Variants in FOXP1 observed in about 807,000 individuals in gnomAD.
The protein encoded by FOXP1 is forkhead box P1.
In FOXP1, 15 loss-of-function variants were observed where a neutral mutation model predicts 98.2. The ratio of observed to expected loss-of-function variants is 0.15; its 90% CI spans 0.10 to 0.24. The LOEUF is 0.24. Among genes scored for constraint, FOXP1 ranks in the 10% least tolerant of loss-of-function variants. The probability of loss-of-function intolerance (pLI) is 1.00; values close to 1 mark genes in which losing one functional copy is unlikely to be tolerated. For synonymous variants in FOXP1, 371 were observed against 314.5 expected (o/e 1.18, Z -1.90); for missense variants, 633 against 848.5 (o/e 0.75, Z 3.15).
At chr3:71,077,515 C>T (rs1228057696) in intron 7 of FOXP1, among the ~76,000 whole-genome samples, 3 of 152,130 alleles carry the variant, frequency 2.0e-5, no homozygotes, top group Non-Finnish European at 4.4e-5. Context: ...TTAACAGGAA[C>T]GCACATACAC....
intron 7 of FOXP1, among the ~76,000 whole-genome samples, chr3:71,104,236 CT>C (rs2057237636): frequency 6.6e-6 from 1 of 152,142 alleles, no homozygotes; most frequent in Non-Finnish European, 1.5e-5. Context: ...TAACAGAACA[CT>C]AAAACCAATT....
intron 7 of FOXP1, among the ~76,000 whole-genome samples, chr3:71,060,858 G>A (rs2051372190): frequency 6.6e-6 from 1 of 152,180 alleles, no homozygotes; most frequent in Non-Finnish European, 1.5e-5. Flanking sequence ...CATTTAGCCT[G>A]CATCTTCATT....
intron 19 of FOXP1, chr3:70,968,370 T>C (rs1316772685): frequency 6.6e-6 from 1 of 151,852 alleles, no homozygotes; most frequent in African/African-American, 2.4e-5. Context: ...AGTGTTTTTT[T>C]TTTTTTTTTT....
rs758132771 is a variant in FOXP1 at position 71,280,862 on chromosome 3, T to C, written c.-12+18958A>G. Among the ~76,000 whole-genome samples, 8 of 151,790 alleles carry C rather than the reference T, an allele frequency of 5.3e-5. No individual in the cohort carries two copies. In the South Asian group the frequency reaches 6.2e-4, roughly 12 times the overall value. ...TGTTTTCCTTACTGTTTGTTTGTTA[T>C]GATAAGAGTTATCCTGTATAGGTAA... On this transcript the variant is annotated intron_variant, in intron 5 of 20. Coordinates refer to ENST00000649528, the MANE Select transcript of FOXP1 (RefSeq NM_001349338.3).
chr3:70,994,020 GAA>G (rs1397148701), intron 13 of FOXP1, among the ~76,000 whole-genome samples: 55 of 149,806 alleles, frequency 3.7e-4, no homozygotes, highest in Non-Finnish European at 6.2e-4. Flanking sequence ...AAAAGAAAAA[GAA>G]AAAGAAAAAG....
intron 5 of FOXP1, among the ~76,000 whole-genome samples, chr3:71,222,349 G>T (rs995121564): frequency 7.9e-5 from 12 of 152,096 alleles, no homozygotes; most frequent in Non-Finnish European, 1.6e-4. Flanking sequence ...TTCTTCCATG[G>T]CTTCCCTGAT....
intron 4 of FOXP1, among the ~76,000 whole-genome samples, chr3:71,336,603 T>C (rs6804794): frequency 0.4 from 61,312 of 152,128 alleles, 14,007 homozygotes; most frequent in East Asian, 0.73. Context: ...ATTACCTAAA[T>C]GAACAGTACC....
rs1272638140 is a variant in FOXP1 at position 70,965,936 on chromosome 3, T to C, written c.1843A>G (p.Ser615Gly). The change falls in exon 20 of 21, where the codon AGC becomes GGC. Residue 615 changes from serine to glycine, a missense_variant. Transcript: ENST00000649528. ...CCTGGACTGCTGTCACTCTCGTTGC[T>C]GTTGGTATGCTCCATTGCCCCGTTC... ...ELNGAMEHTN[S>G]NESDSSPGRS... 3.1e-6 allele frequency: 5 copies of C among 1,614,160 alleles called. No homozygotes were observed. The highest frequency in any genetic ancestry group is 3.4e-6 in the Non-Finnish European group (4 of 1,180,026).
At chr3:71,342,570 G>A (rs1022418228) in intron 4 of FOXP1, among the ~76,000 whole-genome samples, 5 of 151,916 alleles carry the variant, frequency 3.3e-5, no homozygotes, top group African/African-American at 7.3e-5. Flanking sequence ...GCAGACTCCT[G>A]TAGTTCCAGC....
At chr3:71,049,232 C>G (rs954444638) in intron 9 of FOXP1, among the ~76,000 whole-genome samples, 18 of 152,142 alleles carry the variant, frequency 1.2e-4, no homozygotes, top group Non-Finnish European at 2.4e-4. Context: ...TTCCTTTCTT[C>G]GGCTACTCCC....
intron 3 of FOXP1, among the ~76,000 whole-genome samples, chr3:71,476,387 A>G (rs1268975971): frequency 6.8e-6 from 1 of 147,372 alleles, no homozygotes; most frequent in East Asian, 2.0e-4. Flanking sequence ...CTTCTGTTGG[A>G]TATTTCTTCT....
At chr3:71,357,688 T>A (rs1457350327) in intron 4 of FOXP1, among the ~76,000 whole-genome samples, 13 of 152,178 alleles carry the variant, frequency 8.5e-5, no homozygotes, top group African/African-American at 3.1e-4. Context: ...AAGGCCTGCC[T>A]CAGCCAGGAA....
At chr3:71,392,671 G>A (rs963193168) in intron 3 of FOXP1, among the ~76,000 whole-genome samples, 5 of 152,068 alleles carry the variant, frequency 3.3e-5, no homozygotes, top group South Asian at 2.1e-4. Context: ...CATCTATATC[G>A]TGCTCTTCCC....
chr3:70,954,924 T>A lies in FOXP1; in HGVS notation c.*4323A>T. 4.3e-6 allele frequency: 1 copy of A among 232,908 alleles called. No homozygotes were observed. The highest frequency in any genetic ancestry group is 6.0e-5 in the East Asian group (1 of 16,530). 14.4% of individuals were successfully genotyped at this position (232,908 alleles called of 1,614,324 possible). A position where few individuals can be genotyped will look rare whatever the true frequency, so the allele number is the denominator to read the frequency against. ...AAATTCTTGTTACTGGCAGCACATA[T>A]ACATGAAGCACCATGCTCACAGTCC... is the stretch of plus-strand genomic sequence containing the variant. On this transcript the variant is annotated 3_prime_UTR_variant, in exon 21 of 21. Transcript: ENST00000649528.
intron 3 of FOXP1, among the ~76,000 whole-genome samples, chr3:71,409,733 C>T (rs968721296): frequency 6.6e-6 from 1 of 152,142 alleles, no homozygotes; most frequent in Non-Finnish European, 1.5e-5. Context: ...AGTCTCAGTT[C>T]CTCTCCTTAA....
chr3:70,995,494 TG>T (rs1284114036), intron 13 of FOXP1, among the ~76,000 whole-genome samples: 2 of 152,066 alleles, frequency 1.3e-5, no homozygotes, highest in Non-Finnish European at 2.9e-5. Flanking sequence ...AAAGAACAGA[TG>T]AAATCTTACT....
intron 5 of FOXP1, among the ~76,000 whole-genome samples, chr3:71,269,268 T>A (rs1016042553): frequency 4.0e-5 from 6 of 151,856 alleles, no homozygotes; most frequent in Non-Finnish European, 7.4e-5. Flanking sequence ...AAGAAACAGG[T>A]GATTTTAATC....
intron 6 of FOXP1, among the ~76,000 whole-genome samples, chr3:71,140,477 T>C (rs1285618073): frequency 1.3e-5 from 2 of 152,256 alleles, no homozygotes; most frequent in Non-Finnish European, 2.9e-5. Context: ...CCAAAAGCTC[T>C]GTTGTTAAGA....
chr3:71,402,246 G>A (rs1325539478), intron 3 of FOXP1, among the ~76,000 whole-genome samples: 1 of 152,184 alleles, frequency 6.6e-6, no homozygotes, highest in Admixed American at 6.5e-5. Context: ...CTTGAGCACA[G>A]AAGTTTGAGA....
Sources: allele counts gnomAD v4.1 joint callset (sites outside exome capture counted in the v4.1 genomes callset), GRCh38; gene constraint gnomAD v4.1.1; transcripts MANE v1.5; gene names NCBI Gene and HGNC (gene_info 2026-07-23, HGNC 2026-07-21).